Variants in CASK observed in about 807,000 individuals in gnomAD.
CASK encodes the protein calcium/calmodulin dependent serine protein kinase.
Under a neutral mutation model 82.9 loss-of-function variants are expected in CASK, and 4 were observed. The observed-to-expected ratio is 0.05, with a 90% confidence interval of 0.02 to 0.11. The LOEUF (loss-of-function observed/expected upper bound fraction) is 0.11. CASK is among the 10% of genes least tolerant of loss of function. The pLI, the probability that CASK is intolerant of heterozygous loss-of-function variation, is 1.00. For synonymous variants in CASK, 259 were observed against 253.5 expected, an observed-to-expected ratio of 1.02 and a Z score of -0.20; for missense variants, 358 against 720.9, an observed-to-expected ratio of 0.50 and a Z score of 5.76.
intron 1 of CASK, 118 bp from the exon 2 acceptor site, chrX:41,853,345 C>T: frequency 2.3e-6 from 1 of 430,580 alleles, no homozygotes; most frequent in Admixed American, 3.5e-5. Flanking sequence ...CTACTTTAGA[C>T]TCCAAATTGA....
At chrX:41,592,645 T>C (rs2065763490) in intron 12 of CASK, among the ~76,000 whole-genome samples, 1 of 111,485 alleles carries the variant, frequency 9.0e-6, no homozygotes, top group African/African-American at 3.3e-5. Context: ...GGTCCAGAAA[T>C]CTGTGCTTTA....
At chrX:41,686,258 T>C (rs1279573409) in intron 5 of CASK, among the ~76,000 whole-genome samples, 1 of 110,121 alleles carries the variant, frequency 9.1e-6, no homozygotes, top group Non-Finnish European at 1.9e-5. Context: ...CCCAGCTAAT[T>C]TTTGTGTTTT....
chrX:41,600,301 T>C (rs2065875741), intron 12 of CASK, among the ~76,000 whole-genome samples: 1 of 112,343 alleles, frequency 8.9e-6, no homozygotes, highest in Non-Finnish European at 1.9e-5. Flanking sequence ...AAGAGTTTTA[T>C]GAGATCATGT....
chrX:41,790,828 A>T (rs958571483), intron 2 of CASK, among the ~76,000 whole-genome samples: 1 of 112,332 alleles, frequency 8.9e-6, no homozygotes, highest in East Asian at 2.8e-4. Context: ...ATTAAACTCA[A>T]AATGTTTGTT....
chrX:41,559,541 C>T lies in CASK; in HGVS notation c.1737+238G>A, dbSNP rs189702076. ...TATGTCATCATTTGTAACTTCTCTA[C>T]ATTTTGCTCAGATTTCAGCCTGCAA... is the stretch of plus-strand genomic sequence containing the variant. On this transcript the variant is annotated intron_variant, in intron 18 of 26. Transcript: ENST00000378163. 2.2e-5 allele frequency: 9 copies of T among 403,152 alleles called. No homozygotes were observed. The African/African-American group carries it at 2.2e-4, about 10-fold the overall frequency. The allele number at this position is 403,152 out of a possible 1,213,427, so 33.2% of individuals were successfully genotyped here.
chrX:41,653,966 C>T (rs911545139), intron 8 of CASK, among the ~76,000 whole-genome samples: 17 of 112,038 alleles, frequency 1.5e-4, no homozygotes, highest in African/African-American at 4.5e-4. Context: ...AAGGTCTGTA[C>T]ACCCTGAGAA....
At chrX:41,710,650 T>C (rs1205844602) in intron 5 of CASK, among the ~76,000 whole-genome samples, 2 of 112,077 alleles carry the variant, frequency 1.8e-5, no homozygotes, top group Non-Finnish European at 3.8e-5. Context: ...CAGAATGATG[T>C]CTTTTTGTAT....
At chrX:41,836,605 T>A (rs1179377225) in intron 2 of CASK, among the ~76,000 whole-genome samples, 7 of 111,809 alleles carry the variant, frequency 6.3e-5, no homozygotes, top group Admixed American at 4.8e-4. Flanking sequence ...GAGTTTTCAT[T>A]TTAAATATTA....
At position 41,537,287 on chromosome X, in the gene CASK, G is replaced by A. The variant is rs1482422571; in HGVS notation, c.2156-2314C>T. Among the ~76,000 whole-genome samples, 3 of 111,769 alleles carry A rather than the reference G, an allele frequency of 2.7e-5. No individual in the cohort carries two copies. In the East Asian group the frequency reaches 8.3e-4, roughly 31 times the overall value. On this transcript the variant is annotated intron_variant, in intron 22 of 26. Transcript: ENST00000378163. ...TAAATGAAATTGCCACACGGTCATAGGGTTGAGAAACAATAAAAAAAGGGT... is the reference window on the plus strand; with the variant it reads ...TAAATGAAATTGCCACACGGTCATAAGGTTGAGAAACAATAAAAAAAGGGT...
At chrX:41,916,231 T>C (rs1298523246) in intron 1 of CASK, among the ~76,000 whole-genome samples, 1 of 112,631 alleles carries the variant, frequency 8.9e-6, no homozygotes, top group African/African-American at 3.2e-5. Flanking sequence ...ATTTACTGTA[T>C]AAAAACTAAT....
chrX:41,727,698 T>G (rs140004648), intron 5 of CASK: 16 of 1,199,418 alleles, frequency 1.3e-5, no homozygotes, highest in African/African-American at 1.8e-5. Context: ...ACTACTCTTT[T>G]GTAAGCCATC....
chrX:41,559,595 T>TA, intron 18 of CASK, 184 bp downstream of exon 18: 1 of 485,095 alleles, frequency 2.1e-6, no homozygotes, highest in Non-Finnish European at 3.7e-6. Flanking sequence ...GAGATCCACA[T>TA]GGAAGCAGGG....
chrX:41,889,857 A>T (rs2072132329), intron 1 of CASK, among the ~76,000 whole-genome samples: 1 of 111,727 alleles, frequency 9.0e-6, no homozygotes, highest in Non-Finnish European at 1.9e-5. Context: ...AAGTTGACTT[A>T]TTCAAAAGAC....
At position 41,517,152 on chromosome X, in the gene CASK, G is replaced by A. The variant is rs755192132; in HGVS notation, c.*3268C>T. ...CTTGGCCCACTGGCTGTCTCTAGCAGCCTAAGAAGGAATTGGACGGGGAAC... is the reference window on the plus strand; with the variant it reads ...CTTGGCCCACTGGCTGTCTCTAGCAACCTAAGAAGGAATTGGACGGGGAAC... On this transcript the variant is annotated 3_prime_UTR_variant, in exon 27 of 27. Transcript: ENST00000378163. 1 of 113,901 alleles carries A rather than the reference G, an allele frequency of 8.8e-6. No individual in the cohort carries two copies. The highest frequency in any genetic ancestry group is 2.8e-4 in the East Asian group (1 of 3,606). 9.4% of individuals were successfully genotyped at this position (113,901 alleles called of 1,213,427 possible).
intron 3 of CASK, among the ~76,000 whole-genome samples, chrX:41,768,010 C>G (rs1355733633): frequency 9.0e-6 from 1 of 111,606 alleles, no homozygotes; most frequent in Non-Finnish European, 1.9e-5. Flanking sequence ...CTTTTTTTCT[C>G]TCTCAATTGT....
chrX:41,673,739 G>A (rs755364878), intron 5 of CASK, among the ~76,000 whole-genome samples: 12 of 109,145 alleles, frequency 1.1e-4, no homozygotes, highest in Admixed American at 9.8e-4. Context: ...GTCTGGAAAG[G>A]CATGAGAGCA....
At chrX:41,692,850 G>A (rs984117913) in intron 5 of CASK, among the ~76,000 whole-genome samples, 7 of 112,003 alleles carry the variant, frequency 6.2e-5, no homozygotes, top group East Asian at 2.8e-4. Flanking sequence ...ACCACACTAC[G>A]CTAGTGATAG....
chrX:41,568,790 G>T (rs2065361045), intron 16 of CASK, among the ~76,000 whole-genome samples: 1 of 111,605 alleles, frequency 9.0e-6, no homozygotes, highest in Admixed American at 9.5e-5. Context: ...TTGGGTTCAA[G>T]AATTGGAGAC....
rs757581620 is a variant in CASK at position 41,766,229 on chromosome X, C to T, written c.279-20628G>A. 1.2e-3 allele frequency among the ~76,000 whole-genome samples: 137 copies of T among 111,617 alleles called. 2 individuals carry two copies. Among genetic ancestry groups the T allele is most frequent in the African/African-American group, 4.4e-3 (134 of 30,767 alleles). On this transcript the variant is annotated intron_variant, in intron 3 of 26. Transcript: ENST00000378163. ...GTGCATTCCTGTGGGATATACCCTT[C>T]GGATGAAAAGAAGTGCAAAGAAATC...
Sources: gnomAD v4.1 joint callset for allele counts (sites outside exome capture counted in the v4.1 genomes callset) on GRCh38, gnomAD v4.1.1 for gene constraint, MANE v1.5 for transcripts, NCBI Gene and HGNC (gene_info 2026-07-23, HGNC 2026-07-21) for gene names.